GABRG1: variants seen among roughly 807,000 people sequenced by gnomAD.
GABRG1 encodes gamma-aminobutyric acid receptor subunit gamma-1.
Under a neutral mutation model 49.8 loss-of-function variants are expected in GABRG1, and 49 were observed. The observed-to-expected ratio is 0.98, with a 90% CI of 0.78 to 1.25. GABRG1 has a LOEUF of 1.25. Ranked by LOEUF, GABRG1 falls within the 50% of genes most tolerant of loss-of-function variation. The pLI, the probability that GABRG1 is intolerant of heterozygous loss-of-function variation, is 0.00. For missense variants in GABRG1, 552 were observed against 552.3 expected (o/e 1.00, Z 0.01); for synonymous variants, 232 against 185.1 (o/e 1.25, Z -2.06).
At chr4:46,117,041 C>A (rs1720915685) in intron 1 of GABRG1, among the ~76,000 whole-genome samples, 1 of 150,394 alleles carries the variant, frequency 6.6e-6, no homozygotes, top group African/African-American at 2.4e-5. Flanking sequence ...AATGTACAAC[C>A]ATTAGTGATT....
At chr4:46,062,584 G>A (rs891144485) in intron 5 of GABRG1, among the ~76,000 whole-genome samples, 1 of 152,134 alleles carries the variant, frequency 6.6e-6, no homozygotes, top group African/African-American at 2.4e-5. Context: ...GGTGTGAGAT[G>A]GTATCACATT....
intron 7 of GABRG1, among the ~76,000 whole-genome samples, 159 bp downstream of exon 7, chr4:46,058,058 T>A (rs1718518856): frequency 6.6e-6 from 1 of 152,156 alleles, no homozygotes; most frequent in Admixed American, 6.6e-5. Context: ...TTTTTTTACA[T>A]ATCTCTTTCA....
rs747132397 is a variant in GABRG1, at chr4:46,041,182, A to G, written c.1204T>C (p.Tyr402His). ...NNISVPQEDD[Y>H]GYQCLEGKDC... ...TTGCCCTCCAAACACTGATACCCAT[A>G]ATCATCTTCTTGCGGCACAGAAATA... The change falls in exon 9 of 9, where the codon TAT becomes CAT. Residue 402 changes from tyrosine to histidine, a missense_variant. Physicochemically the swap from Tyr to His is moderately conservative, Grantham distance 83. Transcript: ENST00000295452. The G allele has an allele frequency of 1.4e-5, 23 of 1,612,890 alleles. No individual in the cohort carries two copies. In the South Asian group the frequency reaches 2.4e-4, roughly 17 times the overall value.
chr4:46,121,033 T>C (rs1164082976), intron 1 of GABRG1, among the ~76,000 whole-genome samples: 3 of 151,810 alleles, frequency 2.0e-5, no homozygotes, highest in Admixed American at 1.3e-4. Context: ...ACAGGAACCA[T>C]GACTACAGTT....
chr4:46,069,565 T>G (rs1719044294), intron 3 of GABRG1, among the ~76,000 whole-genome samples: 1 of 152,142 alleles, frequency 6.6e-6, no homozygotes, highest in Non-Finnish European at 1.5e-5. Context: ...GCTTAAATCA[T>G]TGAAGTCATC....
At chr4:46,105,079 A>G (rs761125069) in intron 1 of GABRG1, among the ~76,000 whole-genome samples, 20 of 151,452 alleles carry the variant, frequency 1.3e-4, no homozygotes, top group Non-Finnish European at 2.4e-4. Context: ...AAAAGTAGCA[A>G]GGAGATAGAA....
At chr4:46,108,596 C>T (rs1720629819) in intron 1 of GABRG1, among the ~76,000 whole-genome samples, 2 of 150,926 alleles carry the variant, frequency 1.3e-5, no homozygotes, top group South Asian at 4.2e-4. Context: ...TCCTTTACCA[C>T]TATCCTTACC....
chr4:46,042,584 A>T (rs1317600719), intron 8 of GABRG1, among the ~76,000 whole-genome samples: 4 of 151,980 alleles, frequency 2.6e-5, no homozygotes, highest in Non-Finnish European at 4.4e-5. Flanking sequence ...TAAATTTTGA[A>T]ATAGGTCAAC....
At position 46,039,079 on chromosome 4, in the gene GABRG1, T is replaced by C. The variant is rs1717653749; in HGVS notation, c.*1909A>G. The C allele has an allele frequency of 6.6e-6, 1 of 151,516 alleles. No individual in the cohort carries two copies. Among genetic ancestry groups the C allele is most frequent in the African/African-American group, 2.4e-5 (1 of 41,298 alleles). The allele number at this position is 151,516 out of a possible 1,614,324, so 9.4% of individuals were successfully genotyped here. ...TTCAAACATGAAAATAGCCATACAATATTTTAGTAAAGTATTTTATTCTTT... is the reference window on the plus strand; with the variant it reads ...TTCAAACATGAAAATAGCCATACAACATTTTAGTAAAGTATTTTATTCTTT... On this transcript the variant is annotated 3_prime_UTR_variant, in exon 9 of 9. Coordinates refer to ENST00000295452, the MANE Select transcript of GABRG1 (RefSeq NM_173536.4).
intron 8 of GABRG1, among the ~76,000 whole-genome samples, chr4:46,044,049 A>G (rs1717892248): frequency 6.6e-6 from 1 of 152,066 alleles, no homozygotes; most frequent in South Asian, 2.1e-4. Flanking sequence ...CTGACTATAT[A>G]ATATTAATTT....
chr4:46,102,803 G>A (rs1235624420), intron 1 of GABRG1, among the ~76,000 whole-genome samples: 1 of 151,590 alleles, frequency 6.6e-6, no homozygotes, highest in African/African-American at 2.4e-5. Context: ...ACAAACAAGA[G>A]TTTCAAAATA....
At chr4:46,051,339 T>C (rs1718210095) in intron 8 of GABRG1, 85 bp downstream of exon 8, 6 of 1,061,870 alleles carry the variant, frequency 5.7e-6, no homozygotes, top group African/African-American at 1.6e-5. Flanking sequence ...CGTCCCTATT[T>C]CTGTAAACAA....
chr4:46,059,698 C>A (rs1428386229), intron 5 of GABRG1, among the ~76,000 whole-genome samples: 1 of 152,134 alleles, frequency 6.6e-6, no homozygotes, highest in Non-Finnish European at 1.5e-5. Context: ...CAGGCATGAG[C>A]CACCACGCCT....
chr4:46,065,311 T>A, intron 4 of GABRG1, 53 bp downstream of exon 4: 1 of 1,236,590 alleles, frequency 8.1e-7, no homozygotes, highest in South Asian at 1.4e-5. Context: ...ATTGATTAAA[T>A]ATTAGTATGG....
At chr4:46,041,281 G>A in intron 8 of GABRG1, 27 bp from the exon 9 acceptor site, 8 of 1,599,666 alleles carry the variant, frequency 5.0e-6, no homozygotes, top group Non-Finnish European at 6.8e-6. Context: ...ATGAATTTTT[G>A]ACATCAAAAA....
chr4:46,117,988 C>A lies in GABRG1; in HGVS notation c.104+5822G>T, dbSNP rs375174200. On this transcript the variant is annotated intron_variant, in intron 1 of 8. Transcript: ENST00000295452. ...TATATACATATGTATACATGTGTAT[C>A]TATATACATATATACATATGTATAC... Among the ~76,000 whole-genome samples, 257 of 90,208 alleles carry A rather than the reference C, an allele frequency of 2.8e-3. 3 individuals are homozygous for A. The highest frequency in any genetic ancestry group is 5.5e-3 in the South Asian group (18 of 3,286). The allele number at this position is 90,208 out of a possible 152,430, so 59.2% of individuals were successfully genotyped here. A position where few individuals can be genotyped will look rare whatever the true frequency, so the allele number is the denominator to read the frequency against.
chr4:46,122,633 A>G (rs537513273), intron 1 of GABRG1, among the ~76,000 whole-genome samples: 7 of 152,162 alleles, frequency 4.6e-5, no homozygotes, highest in Middle Eastern at 3.4e-3. Context: ...TCCAATCTCT[A>G]TTTTCTAAGA....
At chr4:46,051,398 A>G in intron 8 of GABRG1, 26 bp downstream of exon 8, 1 of 1,522,646 alleles carries the variant, frequency 6.6e-7, no homozygotes, top group Non-Finnish European at 8.9e-7. Flanking sequence ...AGGTTTATAA[A>G]ATAGAAATTT....
chr4:46,108,282 T>C (rs1406025451), intron 1 of GABRG1, among the ~76,000 whole-genome samples: 2 of 150,976 alleles, frequency 1.3e-5, no homozygotes, highest in Non-Finnish European at 3.0e-5. Context: ...ATGAAAAAAT[T>C]CTGCTTAGTA....
Sources: gnomAD v4.1 joint callset for allele counts (sites outside exome capture counted in the v4.1 genomes callset) on GRCh38, gnomAD v4.1.1 for gene constraint, MANE v1.5 for transcripts, NCBI Gene and HGNC (gene_info 2026-07-23, HGNC 2026-07-21) for gene names.